The following MICAL2 variants were observed in gnomAD, a reference collection of about 807,000 sequenced individuals.
MICAL2 encodes microtubule associated monooxygenase, calponin and LIM domain containing 2, also known as [F-actin]-monooxygenase MICAL2.
In MICAL2, 77 loss-of-function variants were observed where a neutral mutation model predicts 127.3. That is an observed-to-expected ratio of 0.60 (90% CI 0.50 to 0.73). MICAL2 has a LOEUF of 0.73. Ranked by LOEUF, MICAL2 falls within the 30% of genes least tolerant of loss-of-function variation. MICAL2 has a pLI of 0.00. For synonymous variants in MICAL2, 570 were observed against 551.1 expected (o/e 1.03, Z -0.48); for missense variants, 1,351 against 1,434.4 (o/e 0.94, Z 0.94).
At chr11:12,230,363 C>T (rs939578545) in intron 15 of MICAL2, among the ~76,000 whole-genome samples, 48 of 152,298 alleles carry the variant, frequency 3.2e-4, no homozygotes, top group African/African-American at 1.1e-3. Flanking sequence ...CTCACATTTA[C>T]ACCAAGATAT....
chr11:12,128,591 G>C (rs1851139813), intron 1 of MICAL2, among the ~76,000 whole-genome samples: 1 of 152,246 alleles, frequency 6.6e-6, no homozygotes, highest in Admixed American at 6.5e-5. Flanking sequence ...CAATTTCCAG[G>C]ACAGATCGGG....
chr11:12,258,678 G>A (rs537313598), intron 25 of MICAL2, 122 bp downstream of exon 25: 2 of 844,876 alleles, frequency 2.4e-6, no homozygotes, highest in Non-Finnish European at 3.7e-6. Context: ...CACAGATAAA[G>A]AAGAAAGCCT....
At chr11:12,349,699 G>A (rs1287527918) in intron 32 of MICAL2, 1 of 685,146 alleles carries the variant, frequency 1.5e-6, no homozygotes, top group South Asian at 1.8e-5. Context: ...TAACCTGGAG[G>A]CACCTACAGG....
chr11:12,333,406 A>G (rs1938686498), intron 32 of MICAL2, among the ~76,000 whole-genome samples: 1 of 152,170 alleles, frequency 6.6e-6, no homozygotes, highest in African/African-American at 2.4e-5. Flanking sequence ...TAATTGAAAC[A>G]TATTTTCCAA....
At chr11:12,300,372 T>G (rs1403827470) in intron 29 of MICAL2, among the ~76,000 whole-genome samples, 1 of 152,014 alleles carries the variant, frequency 6.6e-6, no homozygotes, top group Non-Finnish European at 1.5e-5. Context: ...ATGATTAAGT[T>G]AGGGGATTGT....
intron 29 of MICAL2, among the ~76,000 whole-genome samples, chr11:12,304,637 AACACACACACACACACACACACAC>A (rs57280679): frequency 7.8e-6 from 1 of 128,838 alleles, no homozygotes; most frequent in Non-Finnish European, 1.6e-5. Context: ...CTCTGTCTCA[AACACACACACACACACACACACAC>A]ACACACACAC....
chr11:12,245,736 A>G (rs780066794), intron 21 of MICAL2, among the ~76,000 whole-genome samples: 31 of 152,224 alleles, frequency 2.0e-4, no homozygotes, highest in Non-Finnish European at 2.6e-4. Flanking sequence ...GGCTCATGTT[A>G]CAGTGAGCAA....
intron 1 of MICAL2, among the ~76,000 whole-genome samples, chr11:12,129,857 G>A (rs1005469842): frequency 7.9e-5 from 12 of 151,694 alleles, no homozygotes; most frequent in African/African-American, 2.7e-4. Context: ...TCAGGTGCAC[G>A]CCACCATGCC....
At chr11:12,226,696 A>G (rs1428645247) in intron 14 of MICAL2, among the ~76,000 whole-genome samples, 4 of 136,284 alleles carry the variant, frequency 2.9e-5, no homozygotes, top group Non-Finnish European at 6.1e-5. Flanking sequence ...TTTGTCGCCG[A>G]GGCTGGAGTG....
At chr11:12,163,504 A>G (rs1855095465) in intron 3 of MICAL2, among the ~76,000 whole-genome samples, 1 of 152,130 alleles carries the variant, frequency 6.6e-6, no homozygotes, top group Non-Finnish European at 1.5e-5. Flanking sequence ...GCTGCTTTCC[A>G]CTGCCCCTGG....
chr11:12,285,967 C>T (rs1396242436), intron 2 of MICAL2, among the ~76,000 whole-genome samples: 1 of 152,210 alleles, frequency 6.6e-6, no homozygotes, highest in Non-Finnish European at 1.5e-5. Context: ...TCCTTTCTCT[C>T]CAGCAGTGAT....
intron 34 of MICAL2, among the ~76,000 whole-genome samples, chr11:12,355,890 A>T (rs142922216): frequency 1.5e-3 from 224 of 152,270 alleles, no homozygotes; most frequent in African/African-American, 5.1e-3. Context: ...AGTGGTATAA[A>T]TCATTTTTTA....
At chr11:12,171,412 C>T (rs984064501) in intron 3 of MICAL2, among the ~76,000 whole-genome samples, 3 of 152,206 alleles carry the variant, frequency 2.0e-5, no homozygotes, top group Non-Finnish European at 4.4e-5. Context: ...CTCTTCCTTG[C>T]TCACTGGAGA....
At chr11:12,294,597 C>T (rs376170568), downstream of MICAL2, 7 of 1,614,090 alleles carry the variant, frequency 4.3e-6, no homozygotes, top group Middle Eastern at 1.6e-4. Context: ...GCTTCTAAGC[C>T]TCCAAAGAAA....
chr11:12,148,457 A>G (rs80086018), intron 2 of MICAL2, among the ~76,000 whole-genome samples: 2,158 of 152,262 alleles, frequency 0.014, 43 homozygotes, highest in African/African-American at 0.049. Flanking sequence ...ATTTATGAAC[A>G]GGATAAAGGT....
At chr11:12,266,498 A>G (rs1184678717), downstream of MICAL2, among the ~76,000 whole-genome samples, 1 of 152,224 alleles carries the variant, frequency 6.6e-6, no homozygotes, top group African/African-American at 2.4e-5. Context: ...ACTGCCCCCC[A>G]GCCAGCTGTT....
At chr11:12,327,557 T>C (rs989196326) in intron 32 of MICAL2, among the ~76,000 whole-genome samples, 6 of 152,270 alleles carry the variant, frequency 3.9e-5, no homozygotes, top group African/African-American at 1.4e-4. Context: ...CTCCACTGGC[T>C]AACACGAATG....
chr11:12,247,740 G>C (rs776568288), intron 21 of MICAL2, among the ~76,000 whole-genome samples: 32 of 152,220 alleles, frequency 2.1e-4, no homozygotes, highest in Non-Finnish European at 1.9e-4. Flanking sequence ...ACCACCTCTA[G>C]GGAGAGAACT....
intron 21 of MICAL2, among the ~76,000 whole-genome samples, chr11:12,248,307 G>A (rs1861047302): frequency 6.6e-6 from 1 of 152,206 alleles, no homozygotes; most frequent in South Asian, 2.1e-4. Flanking sequence ...GCTGTGGACT[G>A]TGAGACCTAT....
Sources: gnomAD v4.1 joint callset for allele counts (sites outside exome capture counted in the v4.1 genomes callset) on GRCh38, gnomAD v4.1.1 for gene constraint, MANE v1.5 for transcripts, NCBI Gene and HGNC (gene_info 2026-07-23, HGNC 2026-07-21) for gene names.